ITIH5: variants seen among roughly 807,000 people sequenced by gnomAD.
ITIH5 encodes the protein inter-alpha-trypsin inhibitor heavy chain H5.
A neutral mutation model predicts 77.5 loss-of-function variants in ITIH5; 65 were observed. That is an observed-to-expected ratio of 0.84 (90% confidence interval 0.69 to 1.03). The LOEUF (loss-of-function observed/expected upper bound fraction) is 1.03. Ranked by LOEUF, ITIH5 falls within the 50% of genes least tolerant of loss-of-function variation. The probability of loss-of-function intolerance (pLI) is 0.00; values close to 1 mark genes in which losing one functional copy is unlikely to be tolerated. For missense variants in ITIH5, 1,208 were observed against 1,213.1 expected (o/e 1.00, Z 0.06); for synonymous variants, 525 against 494.3 (o/e 1.06, Z -0.82).
chr10:7,573,101 TCTTA>T (rs775469149), intron 11 of ITIH5, 37 bp downstream of exon 11: 2 of 1,584,194 alleles, frequency 1.3e-6, no homozygotes, highest in Non-Finnish European at 1.7e-6. Flanking sequence ...TTTAAACATC[TCTTA>T]CTCTCAATCC....
At position 7,583,243 on chromosome 10, in the gene ITIH5, G is replaced by T. The variant is rs368086414; in HGVS notation, c.1108+2658C>A. ...AAAAAGTAGATAAGGCTATGTCCAT[G>T]ACCAAATGTTCATAATTCTTGCTAA... On this transcript the variant is annotated intron_variant, in intron 8 of 13. Transcript: ENST00000397146. Among the ~76,000 whole-genome samples the T allele has an allele frequency of 7.3e-4, 111 of 152,348 alleles. 3 individuals carry two copies. The South Asian group carries it at 0.02, about 28-fold the overall frequency.
At chr10:7,655,607 A>G in intron 2 of ITIH5, 24 bp downstream of exon 2, 1 of 1,591,534 alleles carries the variant, frequency 6.3e-7, no homozygotes, top group South Asian at 1.1e-5. Context: ...ATGGACTTTC[A>G]AGATGCACCA....
chr10:7,636,225 T>C (rs889237540), intron 5 of ITIH5, among the ~76,000 whole-genome samples: 5 of 152,230 alleles, frequency 3.3e-5, no homozygotes, highest in African/African-American at 1.2e-4. Flanking sequence ...TACTGTAGTT[T>C]TTCATTTCAA....
chr10:7,592,729 T>C (rs931083910), intron 7 of ITIH5, among the ~76,000 whole-genome samples: 1 of 152,122 alleles, frequency 6.6e-6, no homozygotes, highest in Non-Finnish European at 1.5e-5. Flanking sequence ...TCAGCCAGGG[T>C]GCTGGGCCCT....
In ITIH5 at chr10:7,651,655, G is replaced by A. The variant is rs899071093; in HGVS notation, c.135+3976C>T. Among the ~76,000 whole-genome samples, 10 of 151,900 alleles carry A rather than the reference G, an allele frequency of 6.6e-5. No individual in the cohort carries two copies. The South Asian group carries it at 1.0e-3, about 16-fold the overall frequency. ...CAATAATAATAAATAAAACTCATGC[G>A]CCAAGCCAATACTCCCCCTACCCTA... On this transcript the variant is annotated intron_variant, in intron 2 of 13. Coordinates refer to ENST00000397146, the MANE Select transcript of ITIH5 (RefSeq NM_030569.7).
chr10:7,559,857 G>C lies in ITIH5; in HGVS notation c.*3226C>G. 1 of 452,718 alleles carries C rather than the reference G, an allele frequency of 2.2e-6. No homozygotes were observed. The highest frequency in any genetic ancestry group is 2.4e-5 in the Admixed American group (1 of 42,282). The allele number at this position is 452,718 out of a possible 1,614,324, so 28.0% of individuals were successfully genotyped here. Reference sequence around the variant, plus strand: ...CTCTCCCATGTCTTTTTTTTGTTTTGTTTTGTTTTTTTTTGACGGAGTTTG... The same window carrying C: ...CTCTCCCATGTCTTTTTTTTGTTTTCTTTTGTTTTTTTTTGACGGAGTTTG... On this transcript the variant is annotated 3_prime_UTR_variant, in exon 14 of 14. Transcript: ENST00000397146.
intron 2 of ITIH5, 73 bp from the exon 3 acceptor site, chr10:7,642,163 T>G: frequency 8.3e-7 from 1 of 1,203,996 alleles, no homozygotes; most frequent in Non-Finnish European, 1.2e-6. Context: ...ACATCTTTTT[T>G]TTTTTCCACA....
chr10:7,621,861 C>T (rs1314261651), intron 5 of ITIH5: 1 of 152,156 alleles, frequency 6.6e-6, no homozygotes, highest in African/African-American at 2.4e-5. Context: ...CCCGCAGGGT[C>T]ATCAGAGTCA....
chr10:7,580,178 T>A (rs1832520855), intron 8 of ITIH5, 114 bp from the exon 9 acceptor site: 1 of 861,986 alleles, frequency 1.2e-6, no homozygotes, highest in Non-Finnish European at 1.8e-6. Flanking sequence ...TGGAGTGCAA[T>A]GGCGCAATCT....
intron 8 of ITIH5, 63 bp downstream of exon 8, chr10:7,585,838 A>T: frequency 6.9e-7 from 1 of 1,448,728 alleles, no homozygotes. Flanking sequence ...AAAAAAAAAA[A>T]AACCAAAAAA....
chr10:7,563,461 A>G lies in ITIH5; in HGVS notation c.2528-77T>C, dbSNP rs1201749544. 3.0e-6 allele frequency: 4 copies of G among 1,323,858 alleles called. No individual in the cohort carries two copies. In the East Asian group the frequency reaches 9.7e-5, roughly 32 times the overall value. 82.0% of individuals were successfully genotyped at this position (1,323,858 alleles called of 1,614,324 possible). Reference sequence around the variant, plus strand: ...GCTGAACTCCAACTTCAGAGCTATCAGTGGCAGAAAGGCTTACAACTGGCC... The same window carrying G: ...GCTGAACTCCAACTTCAGAGCTATCGGTGGCAGAAAGGCTTACAACTGGCC... On this transcript the variant is annotated intron_variant, in intron 13 of 13. Coordinates refer to ENST00000397146, the MANE Select transcript of ITIH5 (RefSeq NM_030569.7).
chr10:7,581,721 C>CT (rs142992412), intron 8 of ITIH5, among the ~76,000 whole-genome samples: 3,853 of 101,556 alleles, frequency 0.038, 238 homozygotes, highest in African/African-American at 0.097. Flanking sequence ...TCTTTTCCTT[C>CT]TTTTTTTTTT....
intron 1 of ITIH5, among the ~76,000 whole-genome samples, chr10:7,660,628 G>A (rs1834261774): frequency 2.6e-5 from 4 of 152,228 alleles, no homozygotes; most frequent in Admixed American, 2.6e-4. Flanking sequence ...TTGACTGATA[G>A]GGGTTGTGTT....
chr10:7,637,105 C>G, intron 5 of ITIH5, 123 bp downstream of exon 5: 1 of 1,220,724 alleles, frequency 8.2e-7, no homozygotes, highest in South Asian at 1.5e-5. Flanking sequence ...CATTCCAGTT[C>G]CTACAAAAAT....
intron 11 of ITIH5, chr10:7,572,846 C>T (rs11592508): frequency 0.52 from 106,499 of 204,320 alleles, 28,166 homozygotes; most frequent in African/African-American, 0.65. Context: ...GGCACAATCT[C>T]GGCTCACTGT....
intron 5 of ITIH5, chr10:7,621,854 G>T (rs1052772655): frequency 2.0e-5 from 3 of 152,126 alleles, no homozygotes; most frequent in African/African-American, 7.2e-5. Flanking sequence ...AGTGTCACCC[G>T]CAGGGTCATC....
intron 1 of ITIH5, among the ~76,000 whole-genome samples, chr10:7,659,222 G>A (rs1834237160): frequency 6.6e-6 from 1 of 151,786 alleles, no homozygotes; most frequent in South Asian, 2.1e-4. Flanking sequence ...GTTTTAAAAA[G>A]ACAAAAATTA....
intron 1 of ITIH5, among the ~76,000 whole-genome samples, chr10:7,656,970 C>T (rs1361048989): frequency 1.3e-5 from 2 of 151,192 alleles, no homozygotes; most frequent in Non-Finnish European, 2.9e-5. Flanking sequence ...TCTCGAACTC[C>T]TGACCTCGTG....
At chr10:7,605,088 C>G (rs762623627) in intron 7 of ITIH5, among the ~76,000 whole-genome samples, 1 of 152,068 alleles carries the variant, frequency 6.6e-6, no homozygotes, top group African/African-American at 2.4e-5. Context: ...TCCCAAAGTG[C>G]TGGGATTACA....
Sources: allele counts gnomAD v4.1 joint callset (sites outside exome capture counted in the v4.1 genomes callset), GRCh38; gene constraint gnomAD v4.1.1; transcripts MANE v1.5; gene names NCBI Gene and HGNC (gene_info 2026-07-23, HGNC 2026-07-21).